The following NAP1L4 variants were observed in gnomAD, a reference collection of about 807,000 sequenced individuals.
NAP1L4 encodes nucleosome assembly protein 1-like 4.
A neutral mutation model predicts 58.2 loss-of-function variants in NAP1L4; 15 were observed. The observed-to-expected ratio is 0.26, with a 90% CI of 0.17 to 0.40. NAP1L4 has a LOEUF of 0.40. NAP1L4 is among the 10% of genes least tolerant of loss of function. NAP1L4 has a pLI of 1.00. For missense variants in NAP1L4, 384 were observed against 451.1 expected (o/e 0.85, Z 1.35); for synonymous variants, 171 against 155.6 (o/e 1.10, Z -0.74).
chr11:2,985,858 G>C (rs1848585640), intron 1 of NAP1L4, among the ~76,000 whole-genome samples: 1 of 152,116 alleles, frequency 6.6e-6, no homozygotes, highest in South Asian at 2.1e-4. Flanking sequence ...TTTTCACCCA[G>C]TTAATTGGGT....
chr11:2,960,086 G>A lies in NAP1L4; in HGVS notation c.607-177C>T, dbSNP rs945964701. 1.3e-4 allele frequency: 79 copies of A among 618,216 alleles called. 1 individual carries two copies. The highest frequency in any genetic ancestry group is 4.0e-4 in the South Asian group (19 of 48,084). 38.3% of individuals were successfully genotyped at this position (618,216 alleles called of 1,614,324 possible). ...CTAGCGTGAGGTTAAAAAAACCAAC[G>A]ATGGACTGGCGGGAAATATCTGTTC... On this transcript the variant is annotated intron_variant, in intron 8 of 15. Transcript: ENST00000380542.
Position 2,959,671 on chromosome 11 carries a change from A to G in NAP1L4, c.746+99T>C. ...GCTTTTAGGCTTTTAAGCAGACTCA[A>G]GACTGTACTTTATTCCTTACTTCTA... On this transcript the variant is annotated intron_variant, in intron 9 of 15. Transcript: ENST00000380542. The surrounding 1 kb of genome is among the most constrained non-coding windows in gnomAD (Gnocchi z 4.9). The G allele has an allele frequency of 5.6e-6, 8 of 1,427,364 alleles. No individual in the cohort carries two copies. In the South Asian group the frequency reaches 1.0e-4, roughly 18 times the overall value. The allele number at this position is 1,427,364 out of a possible 1,614,324, so 88.4% of individuals were successfully genotyped here. A position where few individuals can be genotyped will look rare whatever the true frequency, so the allele number is the denominator to read the frequency against.
chr11:2,946,274 C>T lies in NAP1L4; in HGVS notation c.*33-628G>A, dbSNP rs937288285. Reference sequence around the variant, plus strand: ...CACTCACTCTCCTTCACTCTCCTAACAGTCTCACCAAGGGGCAATGCTATC... The same window carrying T: ...CACTCACTCTCCTTCACTCTCCTAATAGTCTCACCAAGGGGCAATGCTATC... On this transcript the variant is annotated intron_variant, in intron 15 of 15. Transcript: ENST00000380542. This position sits in a 1 kb window ranked among gnomAD's most constrained non-coding sequence, Gnocchi z 4.8. 5.3e-5 allele frequency among the ~76,000 whole-genome samples: 8 copies of T among 152,242 alleles called. No homozygotes were observed. The highest frequency in any genetic ancestry group is 1.7e-4 in the African/African-American group (7 of 41,458).
chr11:2,966,363 A>G (rs1274811388), intron 7 of NAP1L4, among the ~76,000 whole-genome samples: 2 of 152,196 alleles, frequency 1.3e-5, no homozygotes, highest in African/African-American at 2.4e-5. Flanking sequence ...CTACAGTGCT[A>G]CAACACACCA....
intron 15 of NAP1L4, among the ~76,000 whole-genome samples, chr11:2,947,354 A>G (rs1021470070): frequency 5.3e-5 from 8 of 152,256 alleles, no homozygotes; most frequent in African/African-American, 1.7e-4. Context: ...TAGAGTCCGC[A>G]TAGAACACTC....
intron 6 of NAP1L4, 65 bp from the exon 7 acceptor site, chr11:2,969,999 T>C: frequency 6.6e-7 from 1 of 1,506,088 alleles, no homozygotes; most frequent in Non-Finnish European, 8.9e-7. Context: ...CGGCTTCACG[T>C]AGAATATCGT....
chr11:2,958,620 C>T lies in NAP1L4; in HGVS notation c.747-76G>A, dbSNP rs1224487814. 6 of 1,462,966 alleles carry T rather than the reference C, an allele frequency of 4.1e-6. No homozygotes were observed. In the South Asian group the frequency reaches 5.0e-5, roughly 12 times the overall value. The allele number at this position is 1,462,966 out of a possible 1,614,324, so 90.6% of individuals were successfully genotyped here. On this transcript the variant is annotated intron_variant, in intron 9 of 15. Coordinates refer to ENST00000380542, the MANE Select transcript of NAP1L4 (RefSeq NM_005969.4). ...ATTACAAATGCATGCAGGAAGCAAACCACAGCTCTATGCCAAACCTGGAAA... is the reference window on the plus strand; with the variant it reads ...ATTACAAATGCATGCAGGAAGCAAATCACAGCTCTATGCCAAACCTGGAAA...
intron 7 of NAP1L4, among the ~76,000 whole-genome samples, chr11:2,967,800 G>A (rs187308426): frequency 2.3e-4 from 35 of 152,144 alleles, no homozygotes; most frequent in African/African-American, 7.7e-4. Context: ...ACACTTCATG[G>A]CTGAAATGCT....
chr11:2,991,093 G>A (rs1162189656), intron 1 of NAP1L4: 1 of 456,520 alleles, frequency 2.2e-6, no homozygotes, highest in Non-Finnish European at 4.4e-6. Context: ...CGATTCCTCC[G>A]AGAACATAAT....
chr11:2,964,828 G>A, intron 7 of NAP1L4, 77 bp from the exon 8 acceptor site: 1 of 1,056,816 alleles, frequency 9.5e-7, no homozygotes, highest in Non-Finnish European at 1.4e-6. Context: ...CATGGTTGCA[G>A]AGGCTCCCAG....
chr11:2,970,880 T>C (rs1370069030), intron 6 of NAP1L4, among the ~76,000 whole-genome samples: 3 of 150,846 alleles, frequency 2.0e-5, no homozygotes, highest in African/African-American at 7.3e-5. Flanking sequence ...TGCAAAAAGT[T>C]AGTTATAGGA....
At position 2,955,341 on chromosome 11, in the gene NAP1L4, C is replaced by T. The variant is rs763056385; in HGVS notation, c.915+403G>A. On this transcript the variant is annotated intron_variant, in intron 11 of 15. Transcript: ENST00000380542. This position sits in a 1 kb window ranked among gnomAD's most constrained non-coding sequence, Gnocchi z 4.2. ...CCTCCTGAGTAGCTGAGATTACAGG[C>T]GCTGCCACCGTGTCCAACTAATTTT... 2.6e-5 allele frequency among the ~76,000 whole-genome samples: 4 copies of T among 151,724 alleles called. No homozygotes were observed. The highest frequency in any genetic ancestry group is 5.9e-5 in the Non-Finnish European group (4 of 67,964).
At position 2,951,059 on chromosome 11, in the gene NAP1L4, T is replaced by A. The variant is rs570328858; in HGVS notation, c.1122+200A>T. ...AGCTTGAGACAGCTGGAAAAGCTTC[T>A]ACTGAGTATGTACACTCAACACTCA... On this transcript the variant is annotated intron_variant, in intron 14 of 15. Transcript: ENST00000380542. This position sits in a 1 kb window ranked among gnomAD's most constrained non-coding sequence, Gnocchi z 4.0. 3.6e-6 allele frequency: 2 copies of A among 556,182 alleles called. No homozygotes were observed. Among genetic ancestry groups the A allele is most frequent in the South Asian group, 5.4e-5 (2 of 37,344 alleles). The allele number at this position is 556,182 out of a possible 1,614,324, so 34.5% of individuals were successfully genotyped here. A position where few individuals can be genotyped will look rare whatever the true frequency, so the allele number is the denominator to read the frequency against.
chr11:2,947,928 C>G (rs939553931), intron 15 of NAP1L4, among the ~76,000 whole-genome samples: 4 of 152,232 alleles, frequency 2.6e-5, no homozygotes, highest in Non-Finnish European at 5.9e-5. Flanking sequence ...GAGGCAGCAG[C>G]CTCAGTGGGA....
intron 7 of NAP1L4, among the ~76,000 whole-genome samples, chr11:2,966,417 A>AGACCTCTCAACG (rs1847281192): frequency 6.6e-6 from 1 of 151,842 alleles, no homozygotes; most frequent in Non-Finnish European, 1.5e-5. Context: ...ATCTGATAAC[A>AGACCTCTCAACG]GACCTCTCCC....
chr11:2,944,960 C>T lies in NAP1L4; in HGVS notation c.*719G>A, dbSNP rs1845864907. 6.6e-6 allele frequency: 1 copy of T among 152,124 alleles called. No individual in the cohort carries two copies. The highest frequency in any genetic ancestry group is 2.1e-4 in the South Asian group (1 of 4,830). 9.4% of individuals were successfully genotyped at this position (152,124 alleles called of 1,614,324 possible). A position where few individuals can be genotyped will look rare whatever the true frequency, so the allele number is the denominator to read the frequency against. On this transcript the variant is annotated 3_prime_UTR_variant, in exon 16 of 16. Coordinates refer to ENST00000380542, the MANE Select transcript of NAP1L4 (RefSeq NM_005969.4). Reference sequence around the variant, plus strand: ...CGAGCCACAGCGAAAAGCCGCAGTCCTCACAGGCAAGAAGGGATAAATAAA... The same window carrying T: ...CGAGCCACAGCGAAAAGCCGCAGTCTTCACAGGCAAGAAGGGATAAATAAA...
In NAP1L4 at chr11:2,955,703, G is replaced by A. The variant is rs562502512; in HGVS notation, c.915+41C>T. 31 of 1,595,266 alleles carry A rather than the reference G, an allele frequency of 1.9e-5. No individual in the cohort carries two copies. The East Asian group carries it at 6.9e-4, about 36-fold the overall frequency. ...GACAAGTAGACATTCACTCAGGAGA[G>A]ACTTCAACAGGAAAATAAGACTATT... On this transcript the variant is annotated intron_variant, in intron 11 of 15. Transcript: ENST00000380542. This position sits in a 1 kb window ranked among gnomAD's most constrained non-coding sequence, Gnocchi z 4.2.
chr11:2,990,147 T>C (rs1848873376), intron 1 of NAP1L4: 2 of 123,918 alleles, frequency 1.6e-5, no homozygotes, highest in Admixed American at 7.7e-5. Flanking sequence ...CTATATGACA[T>C]ATAGGCACAA....
At chr11:2,981,320 G>T (rs1232904390) in intron 1 of NAP1L4, among the ~76,000 whole-genome samples, 2 of 144,920 alleles carry the variant, frequency 1.4e-5, no homozygotes, top group African/African-American at 5.2e-5. Context: ...TGAGACAGAA[G>T]CAACACTCGA....
Sources: gnomAD v4.1 joint callset for allele counts (sites outside exome capture counted in the v4.1 genomes callset) on GRCh38, gnomAD v4.1.1 for gene constraint, Gnocchi (gnomAD v3.1) non-coding constraint, MANE v1.5 for transcripts, NCBI Gene and HGNC (gene_info 2026-07-23, HGNC 2026-07-21) for gene names.